The following TRIM14 variants were observed in gnomAD, a reference collection of about 807,000 sequenced individuals.
The protein encoded by TRIM14 is tripartite motif-containing protein 14.
A neutral mutation model predicts 44.5 loss-of-function variants in TRIM14; 28 were observed. That is an observed-to-expected ratio of 0.63 (90% CI 0.47 to 0.86). TRIM14 has a LOEUF of 0.86. Ranked by LOEUF, TRIM14 falls within the 40% of genes least tolerant of loss-of-function variation. The pLI is 0.00. For synonymous variants in TRIM14, 299 were observed against 269.2 expected (o/e 1.11, Z -1.08); for missense variants, 607 against 611.1 (o/e 0.99, Z 0.07).
At chr9:98,094,818 A>G in intron 4 of TRIM14, 49 bp downstream of exon 4, 1 of 1,587,064 alleles carries the variant, frequency 6.3e-7, no homozygotes, top group Admixed American at 1.7e-5. Flanking sequence ...TCTGGGCTAA[A>G]GGACACTAGG....
At chr9:98,104,523 T>TAGAGAGAGAGAGGGAAGGGGAG (rs1554737018) in intron 2 of TRIM14, among the ~76,000 whole-genome samples, 193 of 149,190 alleles carry the variant, frequency 1.3e-3, no homozygotes, top group African/African-American at 4.5e-3. Flanking sequence ...CAGAAAGGGG[T>TAGAGAGAGAGAGGGAAGGGGAG]AGAGAGAGAG....
chr9:98,104,167 T>G (rs891652748), intron 2 of TRIM14, among the ~76,000 whole-genome samples: 6 of 152,220 alleles, frequency 3.9e-5, no homozygotes, highest in Non-Finnish European at 7.3e-5. Flanking sequence ...TAGTCCACAT[T>G]TTTATGGTTG....
the TRIM14 span, among the ~76,000 whole-genome samples, chr9:98,044,312 T>C: frequency 6.6e-6 from 1 of 151,206 alleles, no homozygotes; most frequent in Non-Finnish European, 1.5e-5. Context: ...CACTCCCATG[T>C]GGCCCCCGGT....
At chr9:98,077,017 GGTAA>G (rs1829623117) in intron 6 of TRIM14, 1 of 1,600,790 alleles carries the variant, frequency 6.2e-7, no homozygotes, top group Non-Finnish European at 8.5e-7. Context: ...AGCCAAAAAA[GGTAA>G]GTGTCTAATT....
intron 5 of TRIM14, among the ~76,000 whole-genome samples, chr9:98,088,494 A>G (rs906254228): frequency 6.6e-6 from 1 of 152,092 alleles, no homozygotes; most frequent in African/African-American, 2.4e-5. Flanking sequence ...AGCTGGGACT[A>G]CAGGCGCCCA....
chr9:98,040,596 C>T, the TRIM14 span, among the ~76,000 whole-genome samples: 1 of 152,014 alleles, frequency 6.6e-6, no homozygotes, highest in Non-Finnish European at 1.5e-5. Flanking sequence ...CACTCAAGAC[C>T]TCTGCTCTGA....
chr9:98,075,555 T>C (rs948224199), intron 6 of TRIM14: 7 of 152,116 alleles, frequency 4.6e-5, no homozygotes, highest in Admixed American at 2.0e-4. Context: ...AATCAGAGTT[T>C]GCATTTCATT....
exon 7 of TRIM14, chr9:98,069,600 C>T (rs1829252389): frequency 6.6e-6 from 1 of 152,244 alleles, no homozygotes; most frequent in Non-Finnish European, 1.5e-5. Flanking sequence ...CGTGCAGCAG[C>T]CTGGATGCAT....
At chr9:98,060,862 C>A in the TRIM14 span, 1 of 1,614,192 alleles carries the variant, frequency 6.2e-7, no homozygotes, top group Non-Finnish European at 8.5e-7. Flanking sequence ...AGAGGCCATA[C>A]ACCTCGAAGC....
At chr9:98,043,209 G>A in the TRIM14 span, among the ~76,000 whole-genome samples, 1 of 147,734 alleles carries the variant, frequency 6.8e-6, no homozygotes, top group South Asian at 2.1e-4. Flanking sequence ...ATGGAATCTC[G>A]CTCTATTGCC....
chr9:98,098,206 A>G (rs1385470222), intron 3 of TRIM14, among the ~76,000 whole-genome samples: 1 of 152,244 alleles, frequency 6.6e-6, no homozygotes, highest in African/African-American at 2.4e-5. Flanking sequence ...TTTTCTTTAT[A>G]GCGAGAAAAA....
the TRIM14 span, among the ~76,000 whole-genome samples, chr9:98,050,518 TA>T: frequency 2.0e-5 from 3 of 152,160 alleles, no homozygotes. Flanking sequence ...CTTAAAGTCT[TA>T]GTATTGCTAT....
At chr9:98,061,704 TGGGAG>T in the TRIM14 span, among the ~76,000 whole-genome samples, 6 of 150,154 alleles carry the variant, frequency 4.0e-5, no homozygotes, top group South Asian at 2.1e-4. Context: ...CGCTTGAACC[TGGGAG>T]GTGGAGGTTG....
chr9:98,069,161 C>T (rs1316901414), downstream of TRIM14: 1 of 152,164 alleles, frequency 6.6e-6, no homozygotes, highest in Non-Finnish European at 1.5e-5. Flanking sequence ...AACTTTTATT[C>T]TTAGTAGCTC....
chr9:98,101,394 C>T (rs1293623256), intron 2 of TRIM14, among the ~76,000 whole-genome samples: 1 of 151,422 alleles, frequency 6.6e-6, no homozygotes, highest in Admixed American at 6.6e-5. Context: ...ATTGGTACTT[C>T]GCTTTTAGAG....
At chr9:98,083,738 A>G (rs1458220791), downstream of TRIM14, among the ~76,000 whole-genome samples, 1 of 152,222 alleles carries the variant, frequency 6.6e-6, no homozygotes, top group East Asian at 1.9e-4. Context: ...AAAAATCCAT[A>G]GCATAGTGAT....
intron 6 of TRIM14, chr9:98,078,120 A>T (rs1183678015): frequency 1.9e-6 from 3 of 1,592,688 alleles, no homozygotes. Flanking sequence ...TGAGACCAGC[A>T]GTTGGGATGT....
intron 4 of TRIM14, 70 bp from the exon 5 acceptor site, chr9:98,092,071 AC>A: frequency 8.3e-7 from 1 of 1,198,122 alleles, no homozygotes; most frequent in Non-Finnish European, 1.2e-6. Context: ...TGCTAAAAAT[AC>A]CACACAACTG....
intron 5 of TRIM14, among the ~76,000 whole-genome samples, chr9:98,090,246 C>T (rs1825945927): frequency 6.6e-6 from 1 of 152,140 alleles, no homozygotes; most frequent in Non-Finnish European, 1.5e-5. Context: ...CTTAGAAGTA[C>T]TAAGTGAATT....
Sources: allele counts gnomAD v4.1 joint callset (sites outside exome capture counted in the v4.1 genomes callset), GRCh38; gene constraint gnomAD v4.1.1; transcripts MANE v1.5; gene names NCBI Gene and HGNC (gene_info 2026-07-23, HGNC 2026-07-21).